The following MAP4K4 variants were observed in gnomAD, a reference collection of about 807,000 sequenced individuals.
The protein encoded by MAP4K4 is HPK/GCK-like kinase HGK.
Under a neutral mutation model 189.6 loss-of-function variants are expected in MAP4K4, and 38 were observed. That is an observed-to-expected ratio of 0.20 (90% CI 0.15 to 0.26). The LOEUF (loss-of-function observed/expected upper bound fraction) is 0.26. MAP4K4 is among the 10% of genes least tolerant of loss of function. The pLI is 1.00. For missense variants in MAP4K4, 1,054 were observed against 1,726.9 expected (o/e 0.61, Z 6.91); for synonymous variants, 610 against 624.3 (o/e 0.98, Z 0.34).
In MAP4K4 at chr2:101,867,971, T is replaced by C. The variant is rs2097864185; in HGVS notation, c.2455-58T>C. ...TTCTTTCTCCCGCGCTTCCTTGTACTGTGCATTCCTCATCAACGATGGCTT... is the reference window on the plus strand; with the variant it reads ...TTCTTTCTCCCGCGCTTCCTTGTACCGTGCATTCCTCATCAACGATGGCTT... On this transcript the variant is annotated intron_variant, in intron 20 of 32. Coordinates refer to ENST00000324219, the Ensembl canonical transcript of MAP4K4. 31 of 1,591,292 alleles carry C rather than the reference T, an allele frequency of 1.9e-5. 1 individual carries two copies. In the South Asian group the frequency reaches 3.2e-4, roughly 17 times the overall value.
At chr2:101,852,091 A>C (rs891121411) in intron 12 of MAP4K4, among the ~76,000 whole-genome samples, 1 of 151,662 alleles carries the variant, frequency 6.6e-6, no homozygotes, top group African/African-American at 2.4e-5. Context: ...CCTTAGAGTG[A>C]GTACTTTAGA....
At chr2:101,794,847 G>A (rs150599320) in intron 3 of MAP4K4, among the ~76,000 whole-genome samples, 1 of 151,862 alleles carries the variant, frequency 6.6e-6, no homozygotes, top group South Asian at 2.1e-4. Context: ...ATTGACTTTT[G>A]TAAGAATTTA....
At chr2:101,887,294 T>C (rs746090512) in intron 30 of MAP4K4, 57 bp downstream of exon 30, 9 of 1,540,288 alleles carry the variant, frequency 5.8e-6, no homozygotes, top group Non-Finnish European at 7.0e-6. Flanking sequence ...GTTTTGACTT[T>C]CTTCTTTACT....
At chr2:101,893,023 A>C (rs1473824184) in exon 33 of MAP4K4, 1 of 456,426 alleles carries the variant, frequency 2.2e-6, no homozygotes, top group Non-Finnish European at 4.4e-6. Context: ...ATTTTCCTGT[A>C]TATTGTGAAA....
chr2:101,809,766 C>G (rs2095290870), intron 3 of MAP4K4, among the ~76,000 whole-genome samples: 1 of 152,198 alleles, frequency 6.6e-6, no homozygotes, highest in Non-Finnish European at 1.5e-5. Context: ...GCTGCTTAGC[C>G]TCTCTCAAAG....
chr2:101,805,416 C>T (rs1421347552), intron 3 of MAP4K4, among the ~76,000 whole-genome samples: 2 of 152,202 alleles, frequency 1.3e-5, no homozygotes, highest in African/African-American at 4.8e-5. Context: ...TGAGGTCCAC[C>T]CATATGGCTG....
chr2:101,874,105 A>C, exon 26 of MAP4K4: 1 of 1,613,644 alleles, frequency 6.2e-7, no homozygotes, highest in Non-Finnish European at 8.5e-7. Flanking sequence ...TGATGGGATG[A>C]GACCAGAAGC....
At chr2:101,797,231 GTTCTA>G (rs1667436957) in intron 3 of MAP4K4, 3 of 1,290,140 alleles carry the variant, frequency 2.3e-6, no homozygotes, top group African/African-American at 1.5e-5. Flanking sequence ...GGGACCTATT[GTTCTA>G]TTCTGTTATT....
chr2:101,881,231 C>A (rs957072822), intron 27 of MAP4K4, among the ~76,000 whole-genome samples: 1 of 151,876 alleles, frequency 6.6e-6, no homozygotes, highest in Non-Finnish European at 1.5e-5. Context: ...TTTTTAAGTA[C>A]TAGTATAAAT....
At chr2:101,870,448 GCTT>G (rs1419985905) in intron 23 of MAP4K4, 33 bp downstream of exon 23, 1 of 1,611,342 alleles carries the variant, frequency 6.2e-7, no homozygotes, top group African/African-American at 1.3e-5. Context: ...CAGAGGCTGA[GCTT>G]CTCCTGTGGT....
At chr2:101,882,820 GTTCT>G (rs940365611) in intron 28 of MAP4K4, 135 bp downstream of exon 28, 37 of 897,436 alleles carry the variant, frequency 4.1e-5, no homozygotes, top group Non-Finnish European at 5.2e-5. Context: ...CATTTCTGGT[GTTCT>G]TTCTGTTTCC....
intron 32 of MAP4K4, among the ~76,000 whole-genome samples, chr2:101,890,662 G>T (rs564362422): frequency 1.1e-4 from 16 of 152,004 alleles, no homozygotes; most frequent in African/African-American, 2.9e-4. Context: ...TCACTATCTT[G>T]GCCAGGCTGG....
intron 27 of MAP4K4, among the ~76,000 whole-genome samples, chr2:101,881,756 A>C (rs1210583674): frequency 6.6e-6 from 1 of 152,128 alleles, no homozygotes; most frequent in African/African-American, 2.4e-5. Context: ...GGTTTTGTCA[A>C]ATGTTTTTCT....
At chr2:101,775,242 TG>T (rs1252742017) in intron 2 of MAP4K4, among the ~76,000 whole-genome samples, 1 of 151,782 alleles carries the variant, frequency 6.6e-6, no homozygotes, top group East Asian at 2.0e-4. Context: ...AAGAACAACA[TG>T]GGGTGTTTGG....
chr2:101,877,964 T>A (rs1486906296), intron 27 of MAP4K4, among the ~76,000 whole-genome samples: 2 of 152,180 alleles, frequency 1.3e-5, no homozygotes, highest in Non-Finnish European at 2.9e-5. Flanking sequence ...TTAGCCAGGA[T>A]GGTCTTGATC....
intron 2 of MAP4K4, among the ~76,000 whole-genome samples, chr2:101,752,218 G>A (rs1300812694): frequency 6.6e-6 from 1 of 152,168 alleles, no homozygotes; most frequent in Non-Finnish European, 1.5e-5. Flanking sequence ...ACATGCCCAA[G>A]GGTAAATGAA....
chr2:101,725,679 G>A (rs2054911877), intron 2 of MAP4K4, among the ~76,000 whole-genome samples: 1 of 152,168 alleles, frequency 6.6e-6, no homozygotes. Flanking sequence ...ATGACATGAA[G>A]CTAGACATTC....
At chr2:101,869,661 G>C (rs2097921945) in exon 22 of MAP4K4, 1 of 1,609,946 alleles carries the variant, frequency 6.2e-7, no homozygotes, top group Admixed American at 1.7e-5. Context: ...AGCAGTGGAA[G>C]ATGTACGGCC....
intron 32 of MAP4K4, among the ~76,000 whole-genome samples, chr2:101,890,343 G>A (rs1043161751): frequency 1.3e-5 from 2 of 152,174 alleles, no homozygotes; most frequent in Non-Finnish European, 2.9e-5. Flanking sequence ...ATATGCCAAC[G>A]TGTAAGGAGT....
Sources: allele counts gnomAD v4.1 joint callset (sites outside exome capture counted in the v4.1 genomes callset), GRCh38; gene constraint gnomAD v4.1.1; transcripts MANE v1.5; gene names NCBI Gene and HGNC (gene_info 2026-07-23, HGNC 2026-07-21).